Variants in MELK observed in about 807,000 individuals in gnomAD.
The protein encoded by MELK is maternal embryonic leucine zipper kinase.
In MELK, 81 loss-of-function variants were observed where a neutral mutation model predicts 85.0. The observed-to-expected ratio is 0.95, with a 90% CI of 0.80 to 1.15. The LOEUF (loss-of-function observed/expected upper bound fraction) is 1.15. Among genes scored for constraint, MELK ranks in the 50% most tolerant of loss-of-function variants. The pLI, the probability that MELK is intolerant of heterozygous loss-of-function variation, is 0.00. For missense variants in MELK, 754 were observed against 777.5 expected (o/e 0.97, Z 0.36); for synonymous variants, 252 against 265.0 (o/e 0.95, Z 0.48).
At chr9:36,618,496 G>A (rs1211224717) in intron 8 of MELK, among the ~76,000 whole-genome samples, 1 of 151,976 alleles carries the variant, frequency 6.6e-6, no homozygotes, top group African/African-American at 2.4e-5. Context: ...TAACAATAGT[G>A]TATATAAGTC....
At chr9:36,593,669 T>G (rs910134036) in intron 4 of MELK, among the ~76,000 whole-genome samples, 1 of 152,094 alleles carries the variant, frequency 6.6e-6, no homozygotes, top group African/African-American at 2.4e-5. Flanking sequence ...AGGTACGTTT[T>G]TTGTTGTTGT....
chr9:36,581,512 T>C, intron 1 of MELK, 132 bp from the exon 2 acceptor site: 1 of 520,740 alleles, frequency 1.9e-6, no homozygotes, highest in Non-Finnish European at 3.4e-6. Flanking sequence ...AATCCTTTTT[T>C]TCATATGGCC....
chr9:36,662,550 C>G (rs1214832822), intron 13 of MELK, among the ~76,000 whole-genome samples: 1 of 152,172 alleles, frequency 6.6e-6, no homozygotes, highest in Non-Finnish European at 1.5e-5. Context: ...TGCTGTGAAT[C>G]TGTATGTTTA....
intron 15 of MELK, among the ~76,000 whole-genome samples, chr9:36,670,346 G>A (rs934893903): frequency 2.0e-5 from 3 of 152,016 alleles, no homozygotes; most frequent in Non-Finnish European, 2.9e-5. Context: ...AGAACAAAAG[G>A]ATAAAATATG....
intron 8 of MELK, among the ~76,000 whole-genome samples, chr9:36,609,664 C>A (rs1825904607): frequency 6.6e-6 from 1 of 151,960 alleles, no homozygotes; most frequent in Non-Finnish European, 1.5e-5. Flanking sequence ...GTTACCCAGG[C>A]TGGTCTCAAA....
At chr9:36,633,276 T>C (rs1299818320) in intron 10 of MELK, 76 bp downstream of exon 10, 2 of 995,732 alleles carry the variant, frequency 2.0e-6, no homozygotes, top group Non-Finnish European at 3.1e-6. Context: ...CCTACAATGA[T>C]GTGGTCTAAA....
At chr9:36,615,277 C>G (rs1464343972) in intron 8 of MELK, among the ~76,000 whole-genome samples, 3 of 123,564 alleles carry the variant, frequency 2.4e-5, no homozygotes, top group Admixed American at 7.3e-5. Context: ...CCAGACGGCA[C>G]GGCTGGCCAG....
chr9:36,662,228 A>G (rs971893649), intron 13 of MELK, among the ~76,000 whole-genome samples: 1 of 151,364 alleles, frequency 6.6e-6, no homozygotes, highest in African/African-American at 2.4e-5. Context: ...AACGAAATAT[A>G]AAGTGAATCT....
intron 9 of MELK, 149 bp downstream of exon 9, chr9:36,630,516 A>G (rs1425342043): frequency 3.2e-6 from 2 of 622,694 alleles, no homozygotes; most frequent in Non-Finnish European, 5.6e-6. Context: ...TCCTTTCTTA[A>G]TTATGTTGTA....
intron 5 of MELK, among the ~76,000 whole-genome samples, 154 bp downstream of exon 5, chr9:36,594,925 T>C (rs1037459533): frequency 2.3e-5 from 3 of 129,630 alleles, no homozygotes; most frequent in Non-Finnish European, 3.2e-5. Context: ...TTCCTCTTAC[T>C]TTTTTTTTTT....
chr9:36,632,453 T>A (rs1377781830), intron 9 of MELK, among the ~76,000 whole-genome samples: 1 of 152,130 alleles, frequency 6.6e-6, no homozygotes, highest in East Asian at 1.9e-4. Flanking sequence ...TTTTTTTTCA[T>A]TATGTATTCA....
chr9:36,642,103 A>T lies in MELK; in HGVS notation c.835-894A>T, dbSNP rs1829809866. Among the ~76,000 whole-genome samples, 3 of 152,094 alleles carry T rather than the reference A, an allele frequency of 2.0e-5. No individual in the cohort carries two copies. In the South Asian group the frequency reaches 6.2e-4, roughly 31 times the overall value. On this transcript the variant is annotated intron_variant, in intron 10 of 17. Transcript: ENST00000298048. Reference sequence around the variant, plus strand: ...AGTGAGGTACCATCATGTAGGGATTATTTGGATAATTTCTGTCCTTAAGCA... The same window carrying T: ...AGTGAGGTACCATCATGTAGGGATTTTTTGGATAATTTCTGTCCTTAAGCA...
At chr9:36,588,363 C>A (rs1335577453) in intron 3 of MELK, among the ~76,000 whole-genome samples, 1 of 148,570 alleles carries the variant, frequency 6.7e-6, no homozygotes, top group Non-Finnish European at 1.5e-5. Context: ...AGCCACCGCG[C>A]CTGGCCCAGA....
chr9:36,582,072 C>T (rs974865942), intron 2 of MELK, among the ~76,000 whole-genome samples: 46 of 151,630 alleles, frequency 3.0e-4, no homozygotes, highest in Admixed American at 3.9e-4. Flanking sequence ...CCCGGGTTCA[C>T]GCCATTCTCC....
chr9:36,666,022 T>C (rs1305909483), intron 14 of MELK, among the ~76,000 whole-genome samples: 24 of 152,174 alleles, frequency 1.6e-4, no homozygotes. Flanking sequence ...GGATCTCCAG[T>C]TGTGGTGTCT....
intron 17 of MELK, among the ~76,000 whole-genome samples, chr9:36,676,170 T>G (rs2138312959): frequency 6.6e-6 from 1 of 152,130 alleles, no homozygotes; most frequent in Admixed American, 6.5e-5. Flanking sequence ...GTTGACTGCT[T>G]ATTTTTGAGA....
rs1831350422 is a variant in MELK at position 36,657,309 on chromosome 9, T to C, written c.1122T>C (p.Tyr374=). The change falls in exon 13 of 18, where the codon TAT becomes TAC. Residue 374 remains tyrosine (Y), a synonymous_variant. Coordinates refer to ENST00000298048, the MANE Select transcript of MELK (RefSeq NM_014791.4). ...ATTATGTGGCGGGATTAATAGACTA[T>C]GATTGGTGTGAAGATGATTTATCAA... ...DKNYVAGLID[Y]DWCEDDLSTG... The C allele has an allele frequency of 4.3e-6, 7 of 1,613,594 alleles. No individual in the cohort carries two copies. Among genetic ancestry groups the C allele is most frequent in the Non-Finnish European group, 5.1e-6 (6 of 1,179,902 alleles).
intron 9 of MELK, among the ~76,000 whole-genome samples, chr9:36,631,771 T>A (rs1248536031): frequency 6.6e-6 from 1 of 152,100 alleles, no homozygotes. Context: ...AGTTTTCTTT[T>A]TTTTTTGGTT....
At chr9:36,605,010 C>T (rs992762093) in intron 7 of MELK, among the ~76,000 whole-genome samples, 1 of 150,834 alleles carries the variant, frequency 6.6e-6, no homozygotes, top group Non-Finnish European at 1.5e-5. Context: ...GTGCAATGGC[C>T]TCCTGAGTAG....
Sources: gnomAD v4.1 joint callset for allele counts (sites outside exome capture counted in the v4.1 genomes callset) on GRCh38, gnomAD v4.1.1 for gene constraint, MANE v1.5 for transcripts, NCBI Gene and HGNC (gene_info 2026-07-23, HGNC 2026-07-21) for gene names.